Variants in LTBP1 observed in about 807,000 individuals in gnomAD.
The protein encoded by LTBP1 is latent-transforming growth factor beta-binding protein 1.
In LTBP1, 129 loss-of-function variants were observed where a neutral mutation model predicts 207.6. The ratio of observed to expected loss-of-function variants is 0.62; its 90% CI spans 0.54 to 0.72. The LOEUF (loss-of-function observed/expected upper bound fraction) is 0.72, where lower values mean the gene tolerates loss of function less well. LTBP1 is among the 30% of genes least tolerant of loss of function. LTBP1 has a pLI of 0.00. For synonymous variants in LTBP1, 963 were observed against 833.7 expected, an observed-to-expected ratio of 1.16 and a Z score of -2.67; for missense variants, 2,281 against 2,217.2, an observed-to-expected ratio of 1.03 and a Z score of -0.58.
intron 5 of LTBP1, among the ~76,000 whole-genome samples, chr2:33,137,943 G>C (rs1271793882): frequency 6.6e-6 from 1 of 152,170 alleles, no homozygotes; most frequent in East Asian, 1.9e-4. Flanking sequence ...GTGTCTTGTG[G>C]GAAGGCTGGC....
intron 2 of LTBP1, among the ~76,000 whole-genome samples, chr2:32,951,072 C>G (rs1278434574): frequency 6.6e-6 from 1 of 152,196 alleles, no homozygotes; most frequent in East Asian, 1.9e-4. Flanking sequence ...GTTGAAGTTA[C>G]TTACAGGGCT....
Position 33,134,724 on chromosome 2 carries a change from TC to T in LTBP1, c.1034-67del, listed in dbSNP as rs1399580707. The T allele has an allele frequency of 2.5e-6, 4 of 1,613,406 alleles. No homozygotes were observed. Among genetic ancestry groups the T allele is most frequent in the Non-Finnish European group, 2.5e-6 (3 of 1,179,820 alleles). On this transcript the variant is annotated intron_variant, in intron 4 of 33. Coordinates refer to ENST00000404816, the MANE Select transcript of LTBP1 (RefSeq NM_206943.4). The surrounding 1 kb of genome is among the most constrained non-coding windows in gnomAD (Gnocchi z 4.4). ...TCTTTTTTTCTGTTTTTTTAAACCT[TC>T]CAAGGCAAGTTCATGGATACTAAGC...
At position 33,142,650 on chromosome 2, in the gene LTBP1, G is replaced by A. The variant is rs140840960; in HGVS notation, c.1201+7690G>A. Among the ~76,000 whole-genome samples, 452 of 152,244 alleles carry A rather than the reference G, an allele frequency of 3.0e-3. 2 individuals carry two copies. Among genetic ancestry groups the A allele is most frequent in the Non-Finnish European group, 4.5e-3 (306 of 67,996 alleles). On this transcript the variant is annotated intron_variant, in intron 5 of 33. Coordinates refer to ENST00000404816, the MANE Select transcript of LTBP1 (RefSeq NM_206943.4). ...AACTGAGGCAGAGAAGGGCAGTGGG[G>A]CGGGGGGCAGAGTGGTTGTATAAGA...
intron 2 of LTBP1, among the ~76,000 whole-genome samples, chr2:32,966,651 C>T (rs954473906): frequency 1.1e-4 from 16 of 152,034 alleles, no homozygotes; most frequent in Admixed American, 3.3e-4. Flanking sequence ...TGTGATTTTT[C>T]TTCTTTAGGT....
intron 4 of LTBP1, among the ~76,000 whole-genome samples, chr2:33,132,080 A>G (rs547114462): frequency 3.2e-4 from 48 of 152,356 alleles, no homozygotes; most frequent in African/African-American, 1.1e-3. Flanking sequence ...TAGTTGGCAC[A>G]CGGATTCTAA....
At chr2:33,214,456 G>A (rs1017637722) in intron 7 of LTBP1, among the ~76,000 whole-genome samples, 3 of 152,080 alleles carry the variant, frequency 2.0e-5, no homozygotes, top group African/African-American at 4.8e-5. Flanking sequence ...CTGCGTGTAC[G>A]TGCCTGTGCA....
At chr2:33,091,836 CTGAGCTTT>C (rs573150347) in intron 3 of LTBP1, among the ~76,000 whole-genome samples, 1 of 152,174 alleles carries the variant, frequency 6.6e-6, no homozygotes, top group Non-Finnish European at 1.5e-5. Context: ...GGGAAACTTT[CTGAGCTTT>C]TCTTGGTGCT....
At position 33,243,716 on chromosome 2, in the gene LTBP1, C is replaced by T. The variant is rs759468146; in HGVS notation, c.1931C>T (p.Thr644Ile). ...GVCPNGECLN[T>I]MGSYRCTCKI... ...TGCCCTAATGGTGAGTGTTTGAATA[C>T]CATGGGCAGCTATCGATGTACCTGC... The change falls in exon 10 of 34, where the codon ACC becomes ATC. Residue 644 changes from threonine to isoleucine, a missense_variant. This residue lies in a region of LTBP1 where 1,671 missense variants were observed against 1,634.8 expected (regional missense o/e 1.02). Transcript: ENST00000404816. The T allele has an allele frequency of 2.3e-5, 37 of 1,613,088 alleles. No homozygotes were observed. The highest frequency in any genetic ancestry group is 3.3e-4 in the Middle Eastern group (2 of 6,082).
chr2:33,246,002 A>G (rs1054956967), intron 10 of LTBP1, among the ~76,000 whole-genome samples: 2 of 152,220 alleles, frequency 1.3e-5, no homozygotes, highest in Non-Finnish European at 2.9e-5. Context: ...ACACTTGCAC[A>G]TTTCCTTAGC....
At chr2:33,179,173 T>G (rs13431079) in intron 5 of LTBP1, among the ~76,000 whole-genome samples, 12,096 of 152,174 alleles carry the variant, frequency 0.079, 1,030 homozygotes, top group African/African-American at 0.22. Flanking sequence ...TTGCAAACTT[T>G]TTTAAAACAT....
chr2:33,182,430 A>C (rs2086732816), intron 5 of LTBP1, among the ~76,000 whole-genome samples: 1 of 151,830 alleles, frequency 6.6e-6, no homozygotes, highest in Non-Finnish European at 1.5e-5. Context: ...TGGGAGGCCG[A>C]GGTGGGCGGA....
In LTBP1 at chr2:33,170,582, G is replaced by A. The variant is rs1053598205; in HGVS notation, c.1202-16274G>A. ...TGTAGGCTCCACCTCTGGGGGCAGGGCACAGACAAACAAAAAGACAGCAGT... is the reference window on the plus strand; with the variant it reads ...TGTAGGCTCCACCTCTGGGGGCAGGACACAGACAAACAAAAAGACAGCAGT... On this transcript the variant is annotated intron_variant, in intron 5 of 33. Transcript: ENST00000404816. Among the ~76,000 whole-genome samples, 4 of 152,338 alleles carry A rather than the reference G, an allele frequency of 2.6e-5. No individual in the cohort carries two copies. In the South Asian group the frequency reaches 8.3e-4, roughly 32 times the overall value.
At chr2:33,391,358 C>A (rs925849645) in intron 32 of LTBP1, among the ~76,000 whole-genome samples, 5 of 151,598 alleles carry the variant, frequency 3.3e-5, no homozygotes, top group African/African-American at 1.2e-4. Flanking sequence ...TGAAATGGAC[C>A]AGAATGCACT....
rs369271029 is a variant in LTBP1, at chr2:33,234,451, A to G, written c.1877-9211A>G. On this transcript the variant is annotated intron_variant, in intron 9 of 33. Transcript: ENST00000404816. ...TAATAGACAGACAGAGAGCCAAATC[A>G]TGAGTGAACTCCCAGTCACAATTGC... Among the ~76,000 whole-genome samples the G allele has an allele frequency of 7.5e-4, 114 of 152,342 alleles. 1 individual carries two copies. The highest frequency in any genetic ancestry group is 2.6e-3 in the African/African-American group (107 of 41,578).
chr2:33,253,269 T>C (rs2092733732), intron 11 of LTBP1, among the ~76,000 whole-genome samples: 1 of 152,180 alleles, frequency 6.6e-6, no homozygotes, highest in Non-Finnish European at 1.5e-5. Flanking sequence ...ATTTCTTTAA[T>C]TGGAAATGGA....
intron 2 of LTBP1, among the ~76,000 whole-genome samples, chr2:32,958,336 C>T (rs1003765086): frequency 6.6e-6 from 1 of 152,202 alleles, no homozygotes; most frequent in African/African-American, 2.4e-5. Flanking sequence ...GCTCTCAGCA[C>T]CTTTCATTTG....
intron 3 of LTBP1, among the ~76,000 whole-genome samples, chr2:33,064,689 C>A (rs566410460): frequency 6.6e-6 from 1 of 152,152 alleles, no homozygotes; most frequent in African/African-American, 2.4e-5. Context: ...TCCTTTGCCA[C>A]AGAAGGAGAT....
At chr2:32,985,210 T>C (rs1180490620) in intron 2 of LTBP1, among the ~76,000 whole-genome samples, 9 of 152,172 alleles carry the variant, frequency 5.9e-5, no homozygotes, top group African/African-American at 1.9e-4. Flanking sequence ...TCCCATTAGA[T>C]CTTTATCAAT....
intron 2 of LTBP1, among the ~76,000 whole-genome samples, chr2:32,967,302 A>G (rs980525775): frequency 2.0e-5 from 3 of 151,286 alleles, no homozygotes; most frequent in Admixed American, 6.6e-5. Flanking sequence ...TTTACTTTCT[A>G]TTTTCAGTTT....
Sources: allele counts gnomAD v4.1 joint callset (sites outside exome capture counted in the v4.1 genomes callset), GRCh38; gene constraint gnomAD v4.1.1; regional missense constraint gnomAD v4.1.1; non-coding constraint Gnocchi (gnomAD v3.1); transcripts MANE v1.5; gene names NCBI Gene and HGNC (gene_info 2026-07-23, HGNC 2026-07-21).